The following MGAT4C variants were observed in gnomAD, a reference collection of about 807,000 sequenced individuals.
MGAT4C encodes the protein MGAT4 family member C.
In MGAT4C, 19 loss-of-function variants were observed where a neutral mutation model predicts 40.1. The observed-to-expected ratio is 0.47, with a 90% CI of 0.33 to 0.70. The LOEUF (loss-of-function observed/expected upper bound fraction) is 0.70. Ranked by LOEUF, MGAT4C falls within the 30% of genes least tolerant of loss-of-function variation. MGAT4C has a pLI of 0.02. For synonymous variants in MGAT4C, 181 were observed against 187.1 expected, an observed-to-expected ratio of 0.97 and a Z score of 0.27; for missense variants, 491 against 563.2, an observed-to-expected ratio of 0.87 and a Z score of 1.30.
rs796742782 is a variant in MGAT4C at position 86,236,617 on chromosome 12, T to C, written c.-57+19622A>G. Among the ~76,000 whole-genome samples, 30 of 152,088 alleles carry C rather than the reference T, an allele frequency of 2.0e-4. 1 individual carries two copies. The highest frequency in any genetic ancestry group is 2.4e-4 in the African/African-American group (10 of 41,542). On this transcript the variant is annotated intron_variant, in intron 1 of 4. Coordinates refer to ENST00000611864, the MANE Select transcript of MGAT4C (RefSeq NM_001351288.2). ...AGGGTCTGAATCCAATGCCAACACATAGAATGCTTCTTTATTAAGCCCATA... is the reference window on the plus strand; with the variant it reads ...AGGGTCTGAATCCAATGCCAACACACAGAATGCTTCTTTATTAAGCCCATA...
intron 1 of MGAT4C, among the ~76,000 whole-genome samples, chr12:86,196,060 G>A (rs1328589947): frequency 1.3e-5 from 2 of 152,166 alleles, no homozygotes; most frequent in Non-Finnish European, 2.9e-5. Flanking sequence ...AGACTGTGTA[G>A]CTTAAACAAC....
chr12:86,038,189 G>A (rs1181456133), intron 2 of MGAT4C, among the ~76,000 whole-genome samples: 1 of 149,756 alleles, frequency 6.7e-6, no homozygotes, highest in East Asian at 1.9e-4. Flanking sequence ...TGAAGCATAT[G>A]GGACATATTC....
intron 4 of MGAT4C, among the ~76,000 whole-genome samples, chr12:86,282,715 T>G (rs1011312789): frequency 2.6e-5 from 4 of 152,256 alleles, no homozygotes; most frequent in South Asian, 2.1e-4. Flanking sequence ...TCTACTGATA[T>G]ATAACCTTGA....
intron 2 of MGAT4C, among the ~76,000 whole-genome samples, chr12:86,713,672 T>TTA (rs1000652147): frequency 2.6e-5 from 4 of 152,110 alleles, no homozygotes; most frequent in South Asian, 2.1e-4. Context: ...ATTAGTAGTT[T>TTA]TATATATATG....
chr12:86,527,994 A>C (rs184286988), intron 2 of MGAT4C, among the ~76,000 whole-genome samples: 61 of 152,272 alleles, frequency 4.0e-4, no homozygotes, highest in African/African-American at 1.3e-3. Flanking sequence ...AAATGTGGTA[A>C]AGATGGTAAA....
Position 85,974,656 on chromosome 12 carries a change from T to G in MGAT4C, c.*4633A>C, listed in dbSNP as rs1400477741. 1 of 150,562 alleles carries G rather than the reference T, an allele frequency of 6.6e-6. No homozygotes were observed. Among genetic ancestry groups the G allele is most frequent in the East Asian group, 1.9e-4 (1 of 5,174 alleles). 9.3% of individuals were successfully genotyped at this position (150,562 alleles called of 1,614,324 possible). A position where few individuals can be genotyped will look rare whatever the true frequency, so the allele number is the denominator to read the frequency against. On this transcript the variant is annotated 3_prime_UTR_variant, in exon 5 of 5. Coordinates refer to ENST00000611864, the MANE Select transcript of MGAT4C (RefSeq NM_001351288.2). ...AAAAAGTAATAAAAGATATATCCTCTGTTTGGGATAAATAAAAAAAAAGTT... is the reference window on the plus strand; with the variant it reads ...AAAAAGTAATAAAAGATATATCCTCGGTTTGGGATAAATAAAAAAAAAGTT...
At chr12:86,550,956 C>T (rs577799883) in intron 2 of MGAT4C, among the ~76,000 whole-genome samples, 7 of 152,206 alleles carry the variant, frequency 4.6e-5, no homozygotes, top group African/African-American at 1.2e-4. Flanking sequence ...TAATCAGGGC[C>T]GGGGAAACAG....
chr12:86,494,361 T>G (rs976490510), intron 2 of MGAT4C, among the ~76,000 whole-genome samples: 1 of 152,108 alleles, frequency 6.6e-6, no homozygotes, highest in South Asian at 2.1e-4. Context: ...AAAATTCAAA[T>G]ACTTAGTATA....
intron 3 of MGAT4C, among the ~76,000 whole-genome samples, chr12:86,434,016 T>C (rs1457674189): frequency 6.6e-6 from 1 of 152,076 alleles, no homozygotes; most frequent in Non-Finnish European, 1.5e-5. Context: ...CATGAATTTT[T>C]ATTGGCAACT....
At chr12:86,512,516 G>A (rs1485330709) in intron 2 of MGAT4C, among the ~76,000 whole-genome samples, 1 of 152,012 alleles carries the variant, frequency 6.6e-6, no homozygotes, top group Non-Finnish European at 1.5e-5. Flanking sequence ...AATGGCCGAA[G>A]TATGGAAATT....
intron 2 of MGAT4C, among the ~76,000 whole-genome samples, chr12:86,622,241 T>G (rs1460454341): frequency 2.0e-5 from 3 of 151,970 alleles, no homozygotes; most frequent in Admixed American, 2.0e-4. Context: ...TGGACTAAGG[T>G]TAAGAGATCA....
chr12:86,593,676 C>T lies in MGAT4C; in HGVS notation c.-229+133533G>A, dbSNP rs78548718. 2.8e-4 allele frequency among the ~76,000 whole-genome samples: 42 copies of T among 152,180 alleles called. No homozygotes were observed. In the East Asian group the frequency reaches 7.1e-3, roughly 26 times the overall value. On this transcript the variant is annotated intron_variant, in intron 2 of 7. Transcript: ENST00000548651. ...TAACTTCCATATACTTGTAAGTTTC[C>T]TATATTGATTTCTAATTTCATTTTA... is the stretch of plus-strand genomic sequence containing the variant.
intron 1 of MGAT4C, among the ~76,000 whole-genome samples, chr12:86,751,366 C>T (rs1332562915): frequency 6.6e-6 from 1 of 152,016 alleles, no homozygotes; most frequent in Non-Finnish European, 1.5e-5. Flanking sequence ...TACTGCTGTA[C>T]TTTTAACGAA....
At chr12:86,024,775 T>C (rs1890100108) in intron 2 of MGAT4C, among the ~76,000 whole-genome samples, 1 of 151,858 alleles carries the variant, frequency 6.6e-6, no homozygotes. Context: ...AATGGTCAAA[T>C]GTGAAGAATA....
intron 2 of MGAT4C, among the ~76,000 whole-genome samples, chr12:86,697,974 T>G (rs539415826): frequency 6.6e-6 from 1 of 152,126 alleles, no homozygotes; most frequent in African/African-American, 2.4e-5. Context: ...CTTAAATAGA[T>G]GTATTATATT....
intron 2 of MGAT4C, among the ~76,000 whole-genome samples, chr12:86,627,560 T>C (rs913600350): frequency 1.3e-5 from 2 of 152,184 alleles, no homozygotes; most frequent in Non-Finnish European, 2.9e-5. Flanking sequence ...TCTGCAATAT[T>C]TGCTGTTCTG....
intron 2 of MGAT4C, among the ~76,000 whole-genome samples, chr12:86,691,652 T>C (rs1170460218): frequency 1.3e-5 from 2 of 152,174 alleles, no homozygotes; most frequent in Non-Finnish European, 2.9e-5. Flanking sequence ...AATCATCTAT[T>C]AGGAAATATA....
chr12:86,457,857 TTC>T (rs956741810), intron 2 of MGAT4C, among the ~76,000 whole-genome samples: 375 of 152,168 alleles, frequency 2.5e-3, no homozygotes, highest in African/African-American at 8.7e-3. Context: ...CAAGTTTTTT[TTC>T]TTTCACCTCT....
chr12:86,628,721 C>T (rs952211659), intron 2 of MGAT4C, among the ~76,000 whole-genome samples: 13 of 152,028 alleles, frequency 8.6e-5, no homozygotes, highest in African/African-American at 2.9e-4. Context: ...CCACCAGGCC[C>T]GCCTTACAAG....
Sources: allele counts gnomAD v4.1 joint callset (sites outside exome capture counted in the v4.1 genomes callset), GRCh38; gene constraint gnomAD v4.1.1; transcripts MANE v1.5; gene names NCBI Gene and HGNC (gene_info 2026-07-23, HGNC 2026-07-21).